ABI2: variants seen among roughly 807,000 people sequenced by gnomAD.
ABI2 encodes the protein abelson interactor 2.
A neutral mutation model predicts 59.2 loss-of-function variants in ABI2; 25 were observed. That is an observed-to-expected ratio of 0.42 (90% confidence interval 0.31 to 0.59). ABI2 has a LOEUF of 0.59. Among genes scored for constraint, ABI2 ranks in the 20% least tolerant of loss-of-function variants. The probability of loss-of-function intolerance (pLI) is 0.14; values close to 1 mark genes in which losing one functional copy is unlikely to be tolerated. For missense variants in ABI2, 545 were observed against 681.8 expected (o/e 0.80, Z 2.23); for synonymous variants, 213 against 235.5 (o/e 0.90, Z 0.87).
In ABI2 at chr2:203,417,063, C is replaced by T. The variant is rs779436109; in HGVS notation, c.1435C>T (p.Arg479Cys). Reference sequence around the variant, plus strand: ...TGAAGAGGACCCACCGTGGGCTCCACGTTCTTACTTGGAAAAGGGTAAGTT... The same window carrying T: ...TGAAGAGGACCCACCGTGGGCTCCATGTTCTTACTTGGAAAAGGGTAAGTT... ...YAEEDPPWAP[R>C]SYLEKVVAIY... The change falls in exon 11 of 12, where the codon CGT becomes TGT. Residue 479 changes from arginine (R) to cysteine (C), a missense_variant. Transcript: ENST00000261018. The T allele has an allele frequency of 1.7e-5, 28 of 1,609,248 alleles. No homozygotes were observed. The Middle Eastern group carries it at 2.3e-3, about 134-fold the overall frequency.
chr2:203,427,119 C>T, intron 11 of ABI2, 58 bp from the exon 12 acceptor site: 2 of 1,501,704 alleles, frequency 1.3e-6, no homozygotes, highest in Non-Finnish European at 1.8e-6. Flanking sequence ...TGGCTTGGTT[C>T]TGTCTTTCTA....
chr2:203,430,524 C>T lies in ABI2; in HGVS notation c.*3172C>T, dbSNP rs1472928297. 2 of 152,148 alleles carry T rather than the reference C, an allele frequency of 1.3e-5. No homozygotes were observed. Among genetic ancestry groups the T allele is most frequent in the East Asian group, 1.9e-4 (1 of 5,204 alleles). 9.4% of individuals were successfully genotyped at this position (152,148 alleles called of 1,614,324 possible). A position where few individuals can be genotyped will look rare whatever the true frequency, so the allele number is the denominator to read the frequency against. On this transcript the variant is annotated 3_prime_UTR_variant, in exon 12 of 12. Coordinates refer to ENST00000261018, the MANE Select transcript of ABI2 (RefSeq NM_001375670.1). ...TACGGCCAAGGCAATAAATCAGAAA[C>T]AAAAATAGTGCCAATGTGTCAAAAT...
In ABI2 at chr2:203,417,030, C is replaced by T. The variant is rs757483197; in HGVS notation, c.1402C>T (p.Pro468Ser). Reference sequence around the variant, plus strand: ...AGCTGCTGTGGTTGAGTATAGTGATCCTTATGCTGAAGAGGACCCACCGTG... The same window carrying T: ...AGCTGCTGTGGTTGAGTATAGTGATTCTTATGCTGAAGAGGACCCACCGTG... Reference protein sequence around the residue: ...EEAAVVEYSDPYAEEDPPWAP... With the variant: ...EEAAVVEYSDSYAEEDPPWAP... The change falls in exon 11 of 12, where the codon CCT becomes TCT. Residue 468 changes from proline to serine, a missense_variant. Around this residue, in one of 4 missense-constraint regions of ABI2, gnomAD observed 44 missense variants for 106.4 expected, o/e 0.41. Coordinates refer to ENST00000261018, the MANE Select transcript of ABI2 (RefSeq NM_001375670.1). 8.1e-6 allele frequency: 13 copies of T among 1,613,974 alleles called. No homozygotes were observed. The highest frequency in any genetic ancestry group is 1.1e-5 in the Non-Finnish European group (13 of 1,179,958).
chr2:203,374,051 C>A (rs2095507619), intron 2 of ABI2, among the ~76,000 whole-genome samples: 1 of 151,998 alleles, frequency 6.6e-6, no homozygotes, highest in Non-Finnish European at 1.5e-5. Flanking sequence ...CCCAGCTACT[C>A]AGGAGGCTGA....
chr2:203,402,474 T>A, intron 8 of ABI2, 102 bp from the exon 9 acceptor site: 1 of 859,304 alleles, frequency 1.2e-6, no homozygotes, highest in East Asian at 3.3e-5. Context: ...TTAAACTAGC[T>A]GTTATTTTTA....
intron 9 of ABI2, chr2:203,403,368 C>T (rs769542783): frequency 1.3e-5 from 2 of 154,762 alleles, no homozygotes; most frequent in Non-Finnish European, 1.5e-5. Flanking sequence ...CATGGTATGT[C>T]AACTTACTGC....
At chr2:203,369,628 CAG>C (rs768914816) in intron 2 of ABI2, among the ~76,000 whole-genome samples, 32 of 152,222 alleles carry the variant, frequency 2.1e-4, no homozygotes, top group Admixed American at 7.8e-4. Flanking sequence ...AAGTAAAAAA[CAG>C]AAGAATGGAT....
At position 203,368,984 on chromosome 2, in the gene ABI2, A is replaced by AATTTTTTTTTTTTTTTTTT. The variant is rs1312712237; in HGVS notation, c.285+1940_285+1941insATTTTTTTTTTTTTTTTTT. The stretch of plus-strand genomic sequence containing the variant: ...TACAGGCACGTGCCATGCTTGGCTG[A>AATTTTTTTTTTTTTTTTTT]TTTTTTTTTTTTTTTTTTTTTTTTT... On this transcript the variant is annotated intron_variant, in intron 2 of 11. Transcript: ENST00000261018. Among the ~76,000 whole-genome samples the AATTTTTTTTTTTTTTTTTT allele has an allele frequency of 5.5e-5, 5 of 91,118 alleles. 1 individual carries two copies. The highest frequency in any genetic ancestry group is 8.9e-5 in the African/African-American group (2 of 22,452). 59.8% of individuals were successfully genotyped at this position (91,118 alleles called of 152,430 possible).
intron 2 of ABI2, among the ~76,000 whole-genome samples, chr2:203,374,227 C>G (rs71425997): frequency 6.6e-6 from 1 of 150,452 alleles, no homozygotes; most frequent in African/African-American, 2.4e-5. Context: ...GGCCAGGCTC[C>G]GTGGCTCACG....
intron 11 of ABI2, among the ~76,000 whole-genome samples, chr2:203,417,693 C>G (rs2097958605): frequency 6.6e-6 from 1 of 152,160 alleles, no homozygotes; most frequent in Non-Finnish European, 1.5e-5. Context: ...TCAAAGCTGG[C>G]TACACATTAG....
intron 4 of ABI2, among the ~76,000 whole-genome samples, chr2:203,384,516 G>C (rs906764943): frequency 2.0e-5 from 3 of 151,586 alleles, no homozygotes; most frequent in African/African-American, 7.3e-5. Context: ...CACTGTGTTG[G>C]CCTGGCTGGT....
At chr2:203,395,394 A>G (rs1420535017) in intron 6 of ABI2, among the ~76,000 whole-genome samples, 1 of 148,134 alleles carries the variant, frequency 6.8e-6, no homozygotes, top group Non-Finnish European at 1.5e-5. Context: ...AAACAAGCTT[A>G]TTGAACTCAG....
intron 8 of ABI2, among the ~76,000 whole-genome samples, chr2:203,397,756 A>G (rs938930931): frequency 4.0e-4 from 61 of 152,114 alleles, no homozygotes; most frequent in African/African-American, 1.4e-3. Flanking sequence ...GCTTCTGGGG[A>G]GGCCTCAGGA....
At chr2:203,380,088 T>C in intron 2 of ABI2, 120 bp from the exon 3 acceptor site, 1 of 635,748 alleles carries the variant, frequency 1.6e-6, no homozygotes, top group Non-Finnish European at 2.4e-6. Flanking sequence ...AGAATAAAAA[T>C]TTAGCAAGCA....
intron 2 of ABI2, among the ~76,000 whole-genome samples, chr2:203,367,668 T>G (rs2094585179): frequency 6.6e-6 from 1 of 152,112 alleles, no homozygotes; most frequent in Non-Finnish European, 1.5e-5. Flanking sequence ...TCTGTTAATA[T>G]TTTGGTATAT....
intron 2 of ABI2, among the ~76,000 whole-genome samples, chr2:203,373,286 C>T (rs1386425840): frequency 6.6e-6 from 1 of 152,116 alleles, no homozygotes; most frequent in Non-Finnish European, 1.5e-5. Flanking sequence ...CACAGCGAAA[C>T]CCCGTCTCCA....
At position 203,411,436 on chromosome 2, in the gene ABI2, TTGAC is replaced by T. The variant is rs1350892213; in HGVS notation, c.1279+68_1279+71del. Reference sequence around the variant, plus strand: ...GGCATAAAATGTCATTTATATGTGATTGACTGGATAGTCATTCATTTGCTGATAC... The same window carrying T: ...GGCATAAAATGTCATTTATATGTGATTGGATAGTCATTCATTTGCTGATAC... On this transcript the variant is annotated intron_variant, in intron 10 of 11. Coordinates refer to ENST00000261018, the MANE Select transcript of ABI2 (RefSeq NM_001375670.1). The T allele has an allele frequency of 8.2e-6, 10 of 1,215,556 alleles. No homozygotes were observed. In the Admixed American group the frequency reaches 1.4e-4, roughly 18 times the overall value. 75.3% of individuals were successfully genotyped at this position (1,215,556 alleles called of 1,614,324 possible).
intron 8 of ABI2, 146 bp downstream of exon 8, chr2:203,397,113 C>T: frequency 8.6e-7 from 1 of 1,168,770 alleles, no homozygotes; most frequent in Non-Finnish European, 1.1e-6. Context: ...AAGTATGTGA[C>T]CAAAGATTAG....
intron 6 of ABI2, chr2:203,395,163 T>C: frequency 1.4e-6 from 1 of 697,650 alleles, no homozygotes; most frequent in East Asian, 2.7e-5. Context: ...GATGAAAAAC[T>C]ATACATAATA....
Sources: gnomAD v4.1 joint callset for allele counts (sites outside exome capture counted in the v4.1 genomes callset) on GRCh38, gnomAD v4.1.1 for gene constraint, gnomAD v4.1.1 regional missense constraint, MANE v1.5 for transcripts, NCBI Gene and HGNC (gene_info 2026-07-23, HGNC 2026-07-21) for gene names.